The following KCNC1 variants were observed in gnomAD, a reference collection of about 807,000 sequenced individuals.
The protein encoded by KCNC1 is voltage-gated potassium channel KCNC1.
KCNC1 carries 8 observed loss-of-function variants against 43.4 expected under a neutral mutation model. The observed-to-expected ratio is 0.18, with a 90% CI of 0.11 to 0.33. KCNC1 has a LOEUF of 0.33. Among genes scored for constraint, KCNC1 ranks in the 10% least tolerant of loss-of-function variants. The pLI, the probability that KCNC1 is intolerant of heterozygous loss-of-function variation, is 1.00. For synonymous variants in KCNC1, 361 were observed against 360.5 expected, an observed-to-expected ratio of 1.00 and a Z score of -0.01; for missense variants, 420 against 836.0, an observed-to-expected ratio of 0.50 and a Z score of 6.14.
chr11:17,776,330 C>T lies in KCNC1; in HGVS notation c.1505-3126C>T. ...GCCTGAGACTTTTTTCCTGAGTCCCCAGCTGGGCAGATCCCTCAGGGCTAA... is the reference window on the plus strand; with the variant it reads ...GCCTGAGACTTTTTTCCTGAGTCCCTAGCTGGGCAGATCCCTCAGGGCTAA... On this transcript the variant is annotated intron_variant, in intron 2 of 3. Coordinates refer to ENST00000265969, the MANE Select transcript of KCNC1 (RefSeq NM_001112741.2). This position sits in a 1 kb window ranked among gnomAD's most constrained non-coding sequence, Gnocchi z 4.4. 3.0e-6 allele frequency: 3 copies of T among 985,286 alleles called. No homozygotes were observed. Among genetic ancestry groups the T allele is most frequent in the Non-Finnish European group, 3.6e-6 (3 of 829,902 alleles). The allele number at this position is 985,286 out of a possible 1,614,324, so 61.0% of individuals were successfully genotyped here.
In KCNC1 at chr11:17,777,767, A is replaced by G. The variant is rs903070007; in HGVS notation, c.1505-1689A>G. On this transcript the variant is annotated intron_variant, in intron 2 of 3. Transcript: ENST00000265969. The surrounding 1 kb of genome is among the most constrained non-coding windows in gnomAD (Gnocchi z 4.3). ...AAAGACTTTTTTTTTAAGTTCCAAA[A>G]TTATGATGGGATTTTTTTGGATTTG... 1 of 986,176 alleles carries G rather than the reference A, an allele frequency of 1.0e-6. No homozygotes were observed. Among genetic ancestry groups the G allele is most frequent in the Non-Finnish European group, 1.2e-6 (1 of 830,020 alleles). 61.1% of individuals were successfully genotyped at this position (986,176 alleles called of 1,614,324 possible). A position where few individuals can be genotyped will look rare whatever the true frequency, so the allele number is the denominator to read the frequency against.
chr11:17,777,502 C>G lies in KCNC1; in HGVS notation c.1505-1954C>G, dbSNP rs933651060. The G allele has an allele frequency of 1.0e-6, 1 of 985,916 alleles. No homozygotes were observed. The highest frequency in any genetic ancestry group is 1.7e-5 in the African/African-American group (1 of 57,238). 61.1% of individuals were successfully genotyped at this position (985,916 alleles called of 1,614,324 possible). A position where few individuals can be genotyped will look rare whatever the true frequency, so the allele number is the denominator to read the frequency against. On this transcript the variant is annotated intron_variant, in intron 2 of 3. Coordinates refer to ENST00000265969, the MANE Select transcript of KCNC1 (RefSeq NM_001112741.2). This position sits in a 1 kb window ranked among gnomAD's most constrained non-coding sequence, Gnocchi z 4.3. Reference sequence around the variant, plus strand: ...CTCCCAACACCCTCCTCCCTCAGCCCGGAGACCCTTGGATGGAAGACTGGG... The same window carrying G: ...CTCCCAACACCCTCCTCCCTCAGCCGGGAGACCCTTGGATGGAAGACTGGG...
intron 1 of KCNC1, among the ~76,000 whole-genome samples, chr11:17,770,130 C>T (rs1349182140): frequency 6.6e-6 from 1 of 152,232 alleles, no homozygotes. Flanking sequence ...TTCCAGGGCA[C>T]CCCCTGGGTG....
chr11:17,775,332 C>T, intron 2 of KCNC1: 1 of 985,580 alleles, frequency 1.0e-6, no homozygotes, highest in Non-Finnish European at 1.2e-6. Flanking sequence ...GCACCTGCCC[C>T]TCACCTCCAC....
In KCNC1 at chr11:17,735,882, C is replaced by T. The variant is rs926311311; in HGVS notation, c.-121C>T. Reference sequence around the variant, plus strand: ...GTGGCCAGAGCCGCAGGCCTCTGTTCCCCCCGACGGCTGGGGGGAGGGGGG... The same window carrying T: ...GTGGCCAGAGCCGCAGGCCTCTGTTTCCCCCGACGGCTGGGGGGAGGGGGG... On this transcript the variant is annotated 5_prime_UTR_variant, in exon 1 of 4. Coordinates refer to ENST00000265969, the MANE Select transcript of KCNC1 (RefSeq NM_001112741.2). The surrounding 1 kb of genome is among the most constrained non-coding windows in gnomAD (Gnocchi z 6.7). 9 of 1,172,312 alleles carry T rather than the reference C, an allele frequency of 7.7e-6. No individual in the cohort carries two copies. Among genetic ancestry groups the T allele is most frequent in the East Asian group, 3.0e-5 (1 of 33,070 alleles). 72.6% of individuals were successfully genotyped at this position (1,172,312 alleles called of 1,614,324 possible). A position where few individuals can be genotyped will look rare whatever the true frequency, so the allele number is the denominator to read the frequency against.
intron 3 of KCNC1, chr11:17,780,462 G>C (rs913847596): frequency 6.6e-6 from 1 of 152,384 alleles, no homozygotes; most frequent in Non-Finnish European, 1.5e-5. Context: ...TGGGGGCCCA[G>C]GGCGCCCGAG....
In KCNC1 at chr11:17,781,981, G is replaced by A. The variant is rs1039568935; in HGVS notation, c.*247G>A. 7.5e-5 allele frequency: 33 copies of A among 442,718 alleles called. No homozygotes were observed. Among genetic ancestry groups the A allele is most frequent in the African/African-American group, 5.8e-4 (29 of 49,760 alleles). 27.4% of individuals were successfully genotyped at this position (442,718 alleles called of 1,614,324 possible). A position where few individuals can be genotyped will look rare whatever the true frequency, so the allele number is the denominator to read the frequency against. On this transcript the variant is annotated 3_prime_UTR_variant, in exon 4 of 4. Transcript: ENST00000265969. The surrounding 1 kb of genome is among the most constrained non-coding windows in gnomAD (Gnocchi z 5.1). ...TTATTTGGGGAGGGGGGGTGGAGGGGCTCCTTAGCATGACTTGCATGAAGT... is the reference window on the plus strand; with the variant it reads ...TTATTTGGGGAGGGGGGGTGGAGGGACTCCTTAGCATGACTTGCATGAAGT...
rs575765818 is a variant in KCNC1 at position 17,771,047 on chromosome 11, T to C, written c.571-618T>C. ...GGGGTACATTTTAAAAAGCTGTCTA[T>C]GACCATGGGGAAGACATACATTTTT... is the stretch of plus-strand genomic sequence containing the variant. On this transcript the variant is annotated intron_variant, in intron 1 of 3. Coordinates refer to ENST00000265969, the MANE Select transcript of KCNC1 (RefSeq NM_001112741.2). The surrounding 1 kb of genome is among the most constrained non-coding windows in gnomAD (Gnocchi z 4.7). 6.6e-6 allele frequency among the ~76,000 whole-genome samples: 1 copy of C among 152,302 alleles called. No homozygotes were observed. Among genetic ancestry groups the C allele is most frequent in the Admixed American group, 6.5e-5 (1 of 15,306 alleles).
chr11:17,751,506 C>T (rs1848968581), intron 1 of KCNC1, among the ~76,000 whole-genome samples: 1 of 152,184 alleles, frequency 6.6e-6, no homozygotes, highest in South Asian at 2.1e-4. Flanking sequence ...GACGATGGGA[C>T]TTGGAAGCAT....
chr11:17,760,632 A>C (rs1849067117), intron 1 of KCNC1, among the ~76,000 whole-genome samples: 1 of 152,148 alleles, frequency 6.6e-6, no homozygotes, highest in Non-Finnish European at 1.5e-5. Flanking sequence ...GGTGGCCAAG[A>C]AAGGTCAGAG....
At chr11:17,774,305 G>A in intron 2 of KCNC1, 1 of 985,516 alleles carries the variant, frequency 1.0e-6, no homozygotes, top group South Asian at 4.7e-5. Flanking sequence ...CAGCTTCCAT[G>A]TGGGCCTGGC....
intron 1 of KCNC1, among the ~76,000 whole-genome samples, chr11:17,741,869 T>C (rs758377047): frequency 2.4e-4 from 37 of 152,174 alleles, no homozygotes; most frequent in Non-Finnish European, 4.3e-4. Context: ...TCACCCCTCT[T>C]TATCCCCGAC....
chr11:17,772,010 G>A lies in KCNC1; in HGVS notation c.916G>A (p.Val306Met), dbSNP rs369830206. ...SGLSSKAAKD[V>M]LGFLRVVRFV... Reference sequence around the variant, plus strand: ...CCTGTCCTCCAAGGCAGCCAAGGACGTGCTGGGCTTCCTGCGCGTCGTCCG... The same window carrying A: ...CCTGTCCTCCAAGGCAGCCAAGGACATGCTGGGCTTCCTGCGCGTCGTCCG... Residue 306 changes from valine (V) to methionine (M), a missense_variant, in exon 2 of 4, where the codon GTG (valine) becomes ATG (methionine). Transcript: ENST00000265969. The A allele has an allele frequency of 3.7e-6, 6 of 1,613,954 alleles. No homozygotes were observed. Among genetic ancestry groups the A allele is most frequent in the Non-Finnish European group, 5.1e-6 (6 of 1,180,022 alleles).
chr11:17,735,915 C>T lies in KCNC1; in HGVS notation c.-88C>T. On this transcript the variant is annotated 5_prime_UTR_variant, in exon 1 of 4. Coordinates refer to ENST00000265969, the MANE Select transcript of KCNC1 (RefSeq NM_001112741.2). This position sits in a 1 kb window ranked among gnomAD's most constrained non-coding sequence, Gnocchi z 6.7. ...CGGCTGGGGGGAGGGGGGAAGAGGG[C>T]GCGCGCCCCCCTCCCCGGCGCCAAC... The T allele has an allele frequency of 1.5e-6, 2 of 1,351,874 alleles. No homozygotes were observed. The highest frequency in any genetic ancestry group is 1.9e-6 in the Non-Finnish European group (2 of 1,051,552). 83.7% of individuals were successfully genotyped at this position (1,351,874 alleles called of 1,614,324 possible).
chr11:17,744,579 C>T (rs535490427), intron 1 of KCNC1, among the ~76,000 whole-genome samples: 8 of 152,322 alleles, frequency 5.3e-5, no homozygotes, highest in African/African-American at 1.9e-4. Context: ...TTGCCCGCTT[C>T]TCCAGGCCCT....
Position 17,736,614 on chromosome 11 carries a change from C to G in KCNC1, c.570+42C>G. 6.9e-7 allele frequency: 1 copy of G among 1,455,910 alleles called. No homozygotes were observed. Among genetic ancestry groups the G allele is most frequent in the South Asian group, 1.4e-5 (1 of 69,906 alleles). 90.2% of individuals were successfully genotyped at this position (1,455,910 alleles called of 1,614,324 possible). On this transcript the variant is annotated intron_variant, in intron 1 of 3. Coordinates refer to ENST00000265969, the MANE Select transcript of KCNC1 (RefSeq NM_001112741.2). This position sits in a 1 kb window ranked among gnomAD's most constrained non-coding sequence, Gnocchi z 9.3. ...CCATCAGAAGAGCGGGGCGGGAAGG[C>G]AGCGTCCTGTGCCTCCCCGCGGGCA...
chr11:17,756,666 A>G (rs144033170), intron 1 of KCNC1, among the ~76,000 whole-genome samples: 3 of 152,194 alleles, frequency 2.0e-5, no homozygotes, highest in East Asian at 3.9e-4. Context: ...TAGCTCCTCC[A>G]TGGAGGTTGG....
At chr11:17,774,193 C>A in intron 2 of KCNC1, 2 of 985,498 alleles carry the variant, frequency 2.0e-6, no homozygotes, top group Non-Finnish European at 2.4e-6. Flanking sequence ...GAGGCTGAAA[C>A]AGCTCCGAGC....
Position 17,776,970 on chromosome 11 carries a change from AGGT to A in KCNC1, c.1505-2485_1505-2483del. On this transcript the variant is annotated intron_variant, in intron 2 of 3. Coordinates refer to ENST00000265969, the MANE Select transcript of KCNC1 (RefSeq NM_001112741.2). The surrounding 1 kb of genome is among the most constrained non-coding windows in gnomAD (Gnocchi z 4.4). ...CACCCAATCATTAGTCCCTCCTCAA[AGGT>A]TAGGGTTGAGAGAAGCAGTAGGCCC... 1.0e-6 allele frequency: 1 copy of A among 985,334 alleles called. No homozygotes were observed. 61.0% of individuals were successfully genotyped at this position (985,334 alleles called of 1,614,324 possible). A position where few individuals can be genotyped will look rare whatever the true frequency, so the allele number is the denominator to read the frequency against.
Sources: allele counts gnomAD v4.1 joint callset (sites outside exome capture counted in the v4.1 genomes callset), GRCh38; gene constraint gnomAD v4.1.1; non-coding constraint Gnocchi (gnomAD v3.1); transcripts MANE v1.5; gene names NCBI Gene and HGNC (gene_info 2026-07-23, HGNC 2026-07-21).